The following BTBD9 variants were observed in gnomAD, a reference collection of about 807,000 sequenced individuals.
The protein encoded by BTBD9 is BTB domain containing 9.
BTBD9 carries 49 observed loss-of-function variants against 64.3 expected under a neutral mutation model. The ratio of observed to expected loss-of-function variants is 0.76; its 90% CI spans 0.61 to 0.97. The LOEUF is 0.97. Ranked by LOEUF, BTBD9 falls within the 50% of genes least tolerant of loss-of-function variation. BTBD9 has a pLI of 0.00. For synonymous variants in BTBD9, 260 were observed against 274.7 expected (o/e 0.95, Z 0.53); for missense variants, 598 against 762.1 (o/e 0.78, Z 2.53).
intron 7 of BTBD9, among the ~76,000 whole-genome samples, chr6:38,299,396 G>A (rs1762296465): frequency 6.6e-6 from 1 of 152,156 alleles, no homozygotes; most frequent in Non-Finnish European, 1.5e-5. Flanking sequence ...TGGGTCAAAT[G>A]GTATTTCTAG....
rs1307654351 is a variant in BTBD9, at chr6:38,171,859, A to T, written c.*3126T>A. On this transcript the variant is annotated 3_prime_UTR_variant, in exon 11 of 11. Transcript: ENST00000481247. ...CCTTTCTACTCTCAAAAAAAAAAAA[A>T]AAAAAAAAAAAAAAAAAAAAAAATA... is the stretch of plus-strand genomic sequence containing the variant. 4.5e-5 allele frequency: 3 copies of T among 66,434 alleles called. No individual in the cohort carries two copies. The highest frequency in any genetic ancestry group is 5.2e-4 in the East Asian group (2 of 3,810). The allele number at this position is 66,434 out of a possible 1,614,324, so 4.1% of individuals were successfully genotyped here.
Position 38,622,250 on chromosome 6 carries a change from C to T in BTBD9, c.-28+17550G>A, listed in dbSNP as rs116851811. On this transcript the variant is annotated intron_variant, in intron 1 of 10. Coordinates refer to ENST00000481247, the MANE Select transcript of BTBD9 (RefSeq NM_001099272.2). The stretch of plus-strand genomic sequence containing the variant: ...AGGGCACTATCCCGGGGAGCACTGG[C>T]AGTTAGACTTCTCCCATATGCCTAA... Among the ~76,000 whole-genome samples the T allele has an allele frequency of 2.2e-3, 334 of 152,324 alleles. 6 individuals are homozygous for T. In the East Asian group the frequency reaches 0.037, roughly 17 times the overall value.
At chr6:38,526,131 G>A (rs1189402617) in intron 6 of BTBD9, among the ~76,000 whole-genome samples, 1 of 152,232 alleles carries the variant, frequency 6.6e-6, no homozygotes, top group Admixed American at 6.5e-5. Flanking sequence ...ATGGTTTTGT[G>A]AGCCAGGCCC....
intron 6 of BTBD9, among the ~76,000 whole-genome samples, chr6:38,557,058 G>C (rs946560423): frequency 2.0e-5 from 2 of 100,838 alleles, no homozygotes; most frequent in African/African-American, 7.9e-5. Context: ...AAAAAAAAAG[G>C]GCCAGGCACG....
chr6:38,547,890 TTATTAA>T (rs1174540998), intron 6 of BTBD9, among the ~76,000 whole-genome samples: 2 of 152,222 alleles, frequency 1.3e-5, no homozygotes, highest in African/African-American at 4.8e-5. Context: ...TTTTTCTGTC[TTATTAA>T]TATTATCTGG....
intron 6 of BTBD9, among the ~76,000 whole-genome samples, chr6:38,360,943 G>A (rs1392564710): frequency 6.6e-6 from 1 of 152,182 alleles, no homozygotes. Context: ...GCAAAGAGAT[G>A]AAGGTTGCTG....
chr6:38,191,664 T>C (rs1205537770), intron 10 of BTBD9, among the ~76,000 whole-genome samples: 2 of 152,058 alleles, frequency 1.3e-5, no homozygotes, highest in African/African-American at 4.8e-5. Context: ...GAGAGGGCAG[T>C]GATCATGGGT....
chr6:38,255,868 A>G (rs1764559207), intron 9 of BTBD9, among the ~76,000 whole-genome samples: 1 of 152,150 alleles, frequency 6.6e-6, no homozygotes, highest in African/African-American at 2.4e-5. Context: ...TTGAACAATG[A>G]GAACACTTGG....
chr6:38,409,264 C>T (rs1464109812), intron 6 of BTBD9, among the ~76,000 whole-genome samples: 1 of 151,802 alleles, frequency 6.6e-6, no homozygotes, highest in African/African-American at 2.4e-5. Context: ...CAAAACAAAA[C>T]CCAAGACAAA....
At chr6:38,245,531 G>C (rs1316081081) in intron 9 of BTBD9, among the ~76,000 whole-genome samples, 1 of 152,190 alleles carries the variant, frequency 6.6e-6, no homozygotes, top group Admixed American at 6.5e-5. Flanking sequence ...AGGGAGTATG[G>C]AGAGGCAGGG....
intron 6 of BTBD9, among the ~76,000 whole-genome samples, chr6:38,543,701 T>G (rs1296330689): frequency 6.6e-6 from 1 of 152,138 alleles, no homozygotes; most frequent in Non-Finnish European, 1.5e-5. Context: ...CTCACGCCTG[T>G]AATCCTAGCA....
chr6:38,248,484 G>A (rs1005700942), intron 9 of BTBD9, among the ~76,000 whole-genome samples: 47 of 152,152 alleles, frequency 3.1e-4, no homozygotes, highest in African/African-American at 1.0e-3. Flanking sequence ...ACTATTCAAC[G>A]GGACCATGAC....
chr6:38,508,288 C>T (rs1772628955), intron 6 of BTBD9, among the ~76,000 whole-genome samples: 1 of 152,126 alleles, frequency 6.6e-6, no homozygotes, highest in Non-Finnish European at 1.5e-5. Context: ...TTTGCCTTTT[C>T]TTGTGTTCCC....
chr6:38,621,234 C>T (rs1252363137), intron 1 of BTBD9, among the ~76,000 whole-genome samples: 2 of 152,324 alleles, frequency 1.3e-5, no homozygotes, highest in East Asian at 3.9e-4. Flanking sequence ...GGCTATCAGA[C>T]AACCACCTGC....
intron 6 of BTBD9, among the ~76,000 whole-genome samples, chr6:38,545,486 G>C (rs1425007385): frequency 6.6e-6 from 1 of 151,936 alleles, no homozygotes; most frequent in Non-Finnish European, 1.5e-5. Context: ...CACTTTAAAA[G>C]AATGAATTTT....
chr6:38,367,799 C>CAAAAAAAAA lies in BTBD9; in HGVS notation c.1155-22715_1155-22707dup, dbSNP rs575025737. On this transcript the variant is annotated intron_variant, in intron 6 of 10. Transcript: ENST00000481247. The stretch of plus-strand genomic sequence containing the variant: ...TGCAAGAGTGTTGCACCAGAAATGG[C>CAAAAAAAAA]AAAAAAAAAAAAAAAAAAAAAAAAA... Among the ~76,000 whole-genome samples the CAAAAAAAAA allele has an allele frequency of 2.7e-4, 23 of 84,318 alleles. 1 individual carries two copies. The highest frequency in any genetic ancestry group is 2.6e-3 in the East Asian group (5 of 1,920). 55.3% of individuals were successfully genotyped at this position (84,318 alleles called of 152,430 possible).
At chr6:38,359,069 C>T (rs1764852563) in intron 6 of BTBD9, among the ~76,000 whole-genome samples, 1 of 152,082 alleles carries the variant, frequency 6.6e-6, no homozygotes, top group Non-Finnish European at 1.5e-5. Flanking sequence ...CCGCGCCCGG[C>T]CGGATTGTGA....
intron 7 of BTBD9, among the ~76,000 whole-genome samples, chr6:38,295,886 T>C (rs1373997359): frequency 6.6e-6 from 1 of 152,024 alleles, no homozygotes; most frequent in Non-Finnish European, 1.5e-5. Flanking sequence ...CCATCTCTAC[T>C]AAAAATACAA....
intron 6 of BTBD9, among the ~76,000 whole-genome samples, chr6:38,385,794 C>CT (rs34019950): frequency 0.48 from 61,617 of 129,286 alleles, 16,347 homozygotes; most frequent in African/African-American, 0.66. Flanking sequence ...TAATATCATA[C>CT]TTTTTTTTTT....
Sources: allele counts gnomAD v4.1 joint callset (sites outside exome capture counted in the v4.1 genomes callset), GRCh38; gene constraint gnomAD v4.1.1; transcripts MANE v1.5; gene names NCBI Gene and HGNC (gene_info 2026-07-23, HGNC 2026-07-21).